SHC4: variants seen among roughly 807,000 people sequenced by gnomAD.
SHC4 encodes SHC-transforming protein 4.
In SHC4, 41 loss-of-function variants were observed where a neutral mutation model predicts 69.4. The ratio of observed to expected loss-of-function variants is 0.59; its 90% CI spans 0.46 to 0.77. The LOEUF (loss-of-function observed/expected upper bound fraction) is 0.77. SHC4 is among the 30% of genes least tolerant of loss of function. SHC4 has a pLI of 0.00. For synonymous variants in SHC4, 318 were observed against 299.3 expected (o/e 1.06, Z -0.64); for missense variants, 777 against 783.8 (o/e 0.99, Z 0.10).
chr15:48,942,962 T>C (rs550411482), intron 1 of SHC4, among the ~76,000 whole-genome samples: 4 of 152,338 alleles, frequency 2.6e-5, no homozygotes, highest in Non-Finnish European at 5.9e-5. Context: ...ATTCCCATAA[T>C]ACCTAAAGAG....
In SHC4 at chr15:48,834,831, C is replaced by T. The variant is rs778025809; in HGVS notation, c.1675G>A (p.Val559Met). The T allele has an allele frequency of 3.1e-6, 5 of 1,614,160 alleles. No homozygotes were observed. Among genetic ancestry groups the T allele is most frequent in the Non-Finnish European group, 4.2e-6 (5 of 1,180,010 alleles). Residue 559 changes from valine (V) to methionine (M), a missense_variant, in exon 11 of 12, where the codon GTG (valine) becomes ATG (methionine). Transcript: ENST00000332408. ...TGGCCTCCCTGTAGTCCACTCAGCA[C>T]ATATTGGCCAGGGGATGTTGCACTC... is the stretch of plus-strand genomic sequence containing the variant. ...RESATSPGQY[V>M]LSGLQGGQAK...
intron 1 of SHC4, among the ~76,000 whole-genome samples, chr15:48,950,249 A>G (rs1901345802): frequency 6.8e-6 from 1 of 146,366 alleles, no homozygotes; most frequent in Admixed American, 6.9e-5. Flanking sequence ...ATTAAATTTC[A>G]TATATATTTT....
chr15:48,963,079 G>A lies in SHC4; in HGVS notation c.-64C>T. ...TCGCCTCGTCGTCTGGTAGATAAACGGTGCAGACATCAGATACCTCAACGC... is the reference window on the plus strand; with the variant it reads ...TCGCCTCGTCGTCTGGTAGATAAACAGTGCAGACATCAGATACCTCAACGC... On this transcript the variant is annotated 5_prime_UTR_variant, in exon 1 of 12. Transcript: ENST00000332408. The A allele has an allele frequency of 1.3e-6, 2 of 1,496,266 alleles. No individual in the cohort carries two copies. The highest frequency in any genetic ancestry group is 1.4e-5 in the African/African-American group (1 of 72,322). The allele number at this position is 1,496,266 out of a possible 1,614,324, so 92.7% of individuals were successfully genotyped here. A position where few individuals can be genotyped will look rare whatever the true frequency, so the allele number is the denominator to read the frequency against.
chr15:48,838,148 T>C (rs1370751311), intron 10 of SHC4, among the ~76,000 whole-genome samples: 1 of 152,234 alleles, frequency 6.6e-6, no homozygotes, highest in Non-Finnish European at 1.5e-5. Context: ...TGTATGTTTA[T>C]ACAGACACAT....
chr15:48,958,004 G>A (rs562052548), intron 1 of SHC4, among the ~76,000 whole-genome samples: 1 of 152,318 alleles, frequency 6.6e-6, no homozygotes, highest in East Asian at 1.9e-4. Flanking sequence ...CTCCCCTAGA[G>A]CTTTTAGAGA....
chr15:48,863,107 T>C (rs948473764), intron 6 of SHC4, among the ~76,000 whole-genome samples: 4 of 150,984 alleles, frequency 2.6e-5, no homozygotes, highest in African/African-American at 9.7e-5. Flanking sequence ...CTGATTTCAT[T>C]ATTTTAAAAC....
At chr15:48,838,169 G>C (rs891298629) in intron 10 of SHC4, among the ~76,000 whole-genome samples, 2 of 152,172 alleles carry the variant, frequency 1.3e-5, no homozygotes, top group African/African-American at 4.8e-5. Context: ...TTCTAAAAGA[G>C]AAGAGTAAAA....
In SHC4 at chr15:48,944,284, C is replaced by G. The variant is rs147977995; in HGVS notation, c.585+18147G>C. On this transcript the variant is annotated intron_variant, in intron 1 of 11. Transcript: ENST00000332408. Reference sequence around the variant, plus strand: ...CTACATCTTTTGTTCCTTTTCCTTTCCCTCATTCTTCCTTACTAACAGATC... The same window carrying G: ...CTACATCTTTTGTTCCTTTTCCTTTGCCTCATTCTTCCTTACTAACAGATC... 4.1e-3 allele frequency among the ~76,000 whole-genome samples: 618 copies of G among 151,950 alleles called. 2 individuals carry two copies. The highest frequency in any genetic ancestry group is 0.014 in the African/African-American group (599 of 41,474).
chr15:48,945,263 C>G (rs977370872), intron 1 of SHC4, among the ~76,000 whole-genome samples: 6 of 151,878 alleles, frequency 4.0e-5, no homozygotes, highest in African/African-American at 1.5e-4. Context: ...ATCCAGACTT[C>G]AGGGGCAACC....
At chr15:48,887,470 C>A (rs539076625) in intron 3 of SHC4, among the ~76,000 whole-genome samples, 5 of 152,168 alleles carry the variant, frequency 3.3e-5, no homozygotes, top group African/African-American at 1.2e-4. Context: ...AGTATAAAAA[C>A]CACCGCATAC....
intron 4 of SHC4, among the ~76,000 whole-genome samples, chr15:48,875,772 G>A (rs1390374337): frequency 6.6e-6 from 1 of 152,138 alleles, no homozygotes; most frequent in African/African-American, 2.4e-5. Context: ...ATGGCATTTT[G>A]GTTTCACTAC....
In SHC4 at chr15:48,876,926, A is replaced by G. The variant is rs61271674; in HGVS notation, c.841-4784T>C. Reference sequence around the variant, plus strand: ...CCATCACACTTCTCATCCACAAAAGACGGAATGGATCTGTGACCCATTTGT... The same window carrying G: ...CCATCACACTTCTCATCCACAAAAGGCGGAATGGATCTGTGACCCATTTGT... On this transcript the variant is annotated intron_variant, in intron 4 of 11. Coordinates refer to ENST00000332408, the MANE Select transcript of SHC4 (RefSeq NM_203349.4). 2.8e-5 allele frequency: 5 copies of G among 177,376 alleles called. No individual in the cohort carries two copies. The East Asian group carries it at 7.5e-4, about 26-fold the overall frequency. The allele number at this position is 177,376 out of a possible 1,614,324, so 11.0% of individuals were successfully genotyped here. A position where few individuals can be genotyped will look rare whatever the true frequency, so the allele number is the denominator to read the frequency against.
chr15:48,857,305 GT>G (rs143293464), intron 7 of SHC4, among the ~76,000 whole-genome samples: 2,661 of 145,824 alleles, frequency 0.018, 67 homozygotes, highest in African/African-American at 0.058. Context: ...TTCTTGCTGT[GT>G]TTTTTTTTTT....
intron 10 of SHC4, 107 bp from the exon 11 acceptor site, chr15:48,835,129 C>G (rs933871511): frequency 2.2e-6 from 3 of 1,375,600 alleles, no homozygotes; most frequent in Non-Finnish European, 2.9e-6. Context: ...TGTGTGCCAG[C>G]CATTGTTTAA....
intron 2 of SHC4, among the ~76,000 whole-genome samples, chr15:48,905,209 C>T (rs1184008026): frequency 1.3e-5 from 2 of 152,150 alleles, no homozygotes; most frequent in Non-Finnish European, 2.9e-5. Context: ...CTCCGTTATT[C>T]GATAAATTAT....
chr15:48,832,897 C>T (rs1295896949), intron 11 of SHC4, among the ~76,000 whole-genome samples: 1 of 151,962 alleles, frequency 6.6e-6, no homozygotes, highest in African/African-American at 2.4e-5. Flanking sequence ...TTCTGTCTGC[C>T]TCTTTTTAAT....
chr15:48,878,177 A>G lies in SHC4; in HGVS notation c.841-6035T>C, dbSNP rs373423183. 1.3e-5 allele frequency: 20 copies of G among 1,549,846 alleles called. No individual in the cohort carries two copies. The Middle Eastern group carries it at 5.2e-4, about 41-fold the overall frequency. On this transcript the variant is annotated intron_variant, in intron 4 of 11. Coordinates refer to ENST00000332408, the MANE Select transcript of SHC4 (RefSeq NM_203349.4). ...TCCTAGAGGTTGAGCGGTTTGCACA[A>G]TGTCGGAAATGGCTGAGTTGTCCGA... is the stretch of plus-strand genomic sequence containing the variant.
intron 9 of SHC4, among the ~76,000 whole-genome samples, chr15:48,843,980 A>C (rs1255714761): frequency 2.0e-5 from 3 of 152,250 alleles, no homozygotes; most frequent in Non-Finnish European, 4.4e-5. Context: ...CACATGTCAT[A>C]TTGAACTTGA....
At chr15:48,914,405 C>T (rs1460965908) in intron 2 of SHC4, among the ~76,000 whole-genome samples, 3 of 152,226 alleles carry the variant, frequency 2.0e-5, no homozygotes, top group Non-Finnish European at 2.9e-5. Context: ...GGGGAAATTA[C>T]TCCTTTCGAG....
Sources: allele counts gnomAD v4.1 joint callset (sites outside exome capture counted in the v4.1 genomes callset), GRCh38; gene constraint gnomAD v4.1.1; transcripts MANE v1.5; gene names NCBI Gene and HGNC (gene_info 2026-07-23, HGNC 2026-07-21).